Variants in SLC38A6 observed in about 807,000 individuals in gnomAD.
SLC38A6 encodes N system amino acid transporter NAT-1.
SLC38A6 carries 73 observed loss-of-function variants against 65.0 expected under a neutral mutation model. That is an observed-to-expected ratio of 1.12 (90% confidence interval 0.93 to 1.37). SLC38A6 has a LOEUF of 1.37. Among genes scored for constraint, SLC38A6 ranks in the 40% most tolerant of loss-of-function variants. The pLI, the probability that SLC38A6 is intolerant of heterozygous loss-of-function variation, is 0.00. For missense variants in SLC38A6, 561 were observed against 531.1 expected, an observed-to-expected ratio of 1.06 and a Z score of -0.55; for synonymous variants, 183 against 178.8, an observed-to-expected ratio of 1.02 and a Z score of -0.19.
chr14:61,029,751 A>T (rs2040834679), intron 5 of SLC38A6, among the ~76,000 whole-genome samples: 1 of 152,232 alleles, frequency 6.6e-6, no homozygotes, highest in African/African-American at 2.4e-5. Context: ...GGTTATGATT[A>T]CATAATATAG....
At chr14:61,010,296 A>G (rs1282635106) in intron 3 of SLC38A6, among the ~76,000 whole-genome samples, 2 of 152,156 alleles carry the variant, frequency 1.3e-5, no homozygotes, top group East Asian at 3.8e-4. Context: ...TCAGAAGAGT[A>G]GGTTGCAAAA....
chr14:61,034,923 A>C (rs2041249596), intron 6 of SLC38A6, among the ~76,000 whole-genome samples: 2 of 152,094 alleles, frequency 1.3e-5, no homozygotes, highest in South Asian at 2.1e-4. Context: ...TGTTCTGTTA[A>C]AGAGGAAGTT....
At chr14:61,010,132 G>A (rs571027294) in intron 3 of SLC38A6, among the ~76,000 whole-genome samples, 1 of 152,200 alleles carries the variant, frequency 6.6e-6, no homozygotes, top group Non-Finnish European at 1.5e-5. Context: ...CTGATGGCCA[G>A]TGATGATGAG....
intron 3 of SLC38A6, among the ~76,000 whole-genome samples, chr14:61,012,037 A>G (rs1156993700): frequency 2.6e-5 from 4 of 152,090 alleles, no homozygotes; most frequent in East Asian, 3.9e-4. Flanking sequence ...TTGGTAGGCT[A>G]TTAATTATTG....
At chr14:60,988,719 C>A (rs1042869322) in intron 3 of SLC38A6, among the ~76,000 whole-genome samples, 7 of 152,136 alleles carry the variant, frequency 4.6e-5, no homozygotes, top group Non-Finnish European at 8.8e-5. Context: ...TTGCACTGAC[C>A]CCCCACACTC....
chr14:61,014,092 C>G (rs191966790), intron 3 of SLC38A6, among the ~76,000 whole-genome samples: 4 of 152,104 alleles, frequency 2.6e-5, no homozygotes, highest in Admixed American at 6.6e-5. Flanking sequence ...TCTTTTTATT[C>G]TTTTTTCTCT....
chr14:61,044,513 C>A (rs2042014485), intron 10 of SLC38A6, among the ~76,000 whole-genome samples: 1 of 152,136 alleles, frequency 6.6e-6, no homozygotes, highest in South Asian at 2.1e-4. Flanking sequence ...TCTCTCCTAA[C>A]CCCCTTCAGA....
chr14:61,048,044 T>C (rs961427695), intron 12 of SLC38A6: 3 of 407,384 alleles, frequency 7.4e-6, no homozygotes, highest in Admixed American at 6.0e-5. Flanking sequence ...GAATAAATGA[T>C]ACAAAAGTAG....
intron 3 of SLC38A6, among the ~76,000 whole-genome samples, chr14:60,985,447 G>A (rs2037385378): frequency 1.3e-5 from 2 of 152,092 alleles, no homozygotes; most frequent in South Asian, 4.1e-4. Context: ...TTATAGAAGT[G>A]CTTTTCTAAG....
chr14:61,019,353 A>C (rs2040213038), intron 4 of SLC38A6, among the ~76,000 whole-genome samples, 188 bp from the exon 5 acceptor site: 1 of 152,216 alleles, frequency 6.6e-6, no homozygotes, highest in South Asian at 2.1e-4. Flanking sequence ...TGGAACTATT[A>C]AAGAAATACT....
At position 61,061,077 on chromosome 14, in the gene SLC38A6, G is replaced by A. The variant is rs376703736; in HGVS notation, c.1290+8942G>A. The stretch of plus-strand genomic sequence containing the variant: ...TCAGATGGAAATGCAGAAATCACCC[G>A]TCTTCTGCGTCGCTCACGCTGGGAG... On this transcript the variant is annotated intron_variant, in intron 15 of 16. Transcript: ENST00000354886. 1.1e-3 allele frequency among the ~76,000 whole-genome samples: 170 copies of A among 152,098 alleles called. No individual in the cohort carries two copies. In the East Asian group the frequency reaches 0.023, roughly 21 times the overall value.
chr14:61,009,273 G>T (rs2039372440), intron 3 of SLC38A6, among the ~76,000 whole-genome samples: 1 of 152,118 alleles, frequency 6.6e-6, no homozygotes. Context: ...CATACAGAGA[G>T]ATGTCAGATA....
intron 3 of SLC38A6, among the ~76,000 whole-genome samples, chr14:61,011,058 T>C (rs917275525): frequency 6.6e-6 from 1 of 152,186 alleles, no homozygotes; most frequent in African/African-American, 2.4e-5. Flanking sequence ...TTTTATTTCA[T>C]TGAGCAGTGG....
At chr14:61,014,619 G>T (rs1356070177) in intron 3 of SLC38A6, among the ~76,000 whole-genome samples, 1 of 152,182 alleles carries the variant, frequency 6.6e-6, no homozygotes, top group Non-Finnish European at 1.5e-5. Flanking sequence ...ACCCTCAGCT[G>T]CAGGTCTGTT....
Position 61,043,200 on chromosome 14 carries a change from GA to G in SLC38A6, c.681del (p.Gly228ValfsTer64). 1.3e-6 allele frequency: 2 copies of G among 1,528,636 alleles called. No individual in the cohort carries two copies. Among genetic ancestry groups the G allele is most frequent in the Non-Finnish European group, 1.8e-6 (2 of 1,119,352 alleles). 94.7% of individuals were successfully genotyped at this position (1,528,636 alleles called of 1,614,324 possible). On this transcript the variant is annotated frameshift_variant, in exon 9 of 16. Transcript: ENST00000267488. LOFTEE classifies it high-confidence loss of function. Reference sequence around the variant, plus strand: ...GTCCTCTGACATTAAATTATGTAGAGAAAGGTTTCCAGGTAATAGCTTATAT... The same window carrying G: ...GTCCTCTGACATTAAATTATGTAGAGAAGGTTTCCAGGTAATAGCTTATAT... ...PCPLTLNYVE[K>X]GFQISNVTDD...
Position 61,046,065 on chromosome 14 carries a change from A to G in SLC38A6, c.825-2A>G. 6.3e-7 allele frequency: 1 copy of G among 1,583,848 alleles called. No homozygotes were observed. The highest frequency in any genetic ancestry group is 8.6e-7 in the Non-Finnish European group (1 of 1,156,436). On this transcript the variant is annotated splice_acceptor_variant, in intron 11 of 15. Coordinates refer to ENST00000267488, the MANE Select transcript of SLC38A6 (RefSeq NM_153811.3). LOFTEE classifies it high-confidence loss of function. ...TCTACCTTTGTCATTTTTGTCTTTT[A>G]GTCCTTCAAAGAAAAGAATGCAGAA...
intron 15 of SLC38A6, among the ~76,000 whole-genome samples, chr14:61,072,211 T>C (rs950343008): frequency 9.9e-5 from 15 of 152,132 alleles, no homozygotes; most frequent in African/African-American, 3.4e-4. Context: ...AAGGCACTTT[T>C]ATTTTATTTT....
chr14:61,053,057 C>G (rs555916948), downstream of SLC38A6: 3 of 152,140 alleles, frequency 2.0e-5, no homozygotes, highest in South Asian at 6.2e-4. Context: ...CCACCAGCCC[C>G]AGTTGTTTTT....
intron 6 of SLC38A6, among the ~76,000 whole-genome samples, chr14:61,032,475 A>C (rs1354707898): frequency 1.3e-5 from 2 of 151,896 alleles, no homozygotes; most frequent in African/African-American, 4.8e-5. Flanking sequence ...AATTAAAATG[A>C]ACTTCCATCT....
Sources: allele counts gnomAD v4.1 joint callset (sites outside exome capture counted in the v4.1 genomes callset), GRCh38; gene constraint gnomAD v4.1.1; transcripts MANE v1.5; gene names NCBI Gene and HGNC (gene_info 2026-07-23, HGNC 2026-07-21).